FBRS: variants seen among roughly 807,000 people sequenced by gnomAD.
FBRS encodes probable fibrosin-1.
In FBRS, 15 loss-of-function variants were observed where a neutral mutation model predicts 86.1. The observed-to-expected ratio is 0.17, with a 90% CI of 0.12 to 0.27. The LOEUF is 0.27. Among genes scored for constraint, FBRS ranks in the 10% least tolerant of loss-of-function variants. The probability of loss-of-function intolerance (pLI) is 1.00; values close to 1 mark genes in which losing one functional copy is unlikely to be tolerated. For missense variants in FBRS, 1,367 were observed against 1,301.6 expected (o/e 1.05, Z -0.77); for synonymous variants, 666 against 575.8 (o/e 1.16, Z -2.24).
In FBRS at chr16:30,669,443, G is replaced by A. The variant is rs538826714; in HGVS notation, c.2741G>A (p.Arg914His). The change falls in exon 18 of 18, where the codon CGC becomes CAC. Residue 914 changes from arginine (R) to histidine (H), a missense_variant. Around this residue, in one of 3 missense-constraint regions of FBRS, gnomAD observed 659 missense variants for 678.8 expected, o/e 0.97. Transcript: ENST00000356166. This position sits in a 1 kb window ranked among gnomAD's most constrained non-coding sequence, Gnocchi z 5.9. ...LTGPGAVAAARLYGLEPAHPL... is the reference protein window; with the variant it reads ...LTGPGAVAAAHLYGLEPAHPL... The stretch of plus-strand genomic sequence containing the variant: ...GGACCCGGGGCCGTGGCCGCTGCCC[G>A]CCTCTACGGTCTGGAACCTGCTCAC... 3.8e-5 allele frequency: 61 copies of A among 1,612,996 alleles called. No homozygotes were observed. In the East Asian group the frequency reaches 1.0e-3, roughly 27 times the overall value.
chr16:30,669,516 C>T lies in FBRS; in HGVS notation c.2814C>T (p.Ala938=), dbSNP rs1273696334. The T allele has an allele frequency of 4.3e-6, 7 of 1,613,026 alleles. No homozygotes were observed. The highest frequency in any genetic ancestry group is 1.6e-4 in the Middle Eastern group (1 of 6,084). Residue 938 remains alanine, a synonymous_variant, in exon 18 of 18, where the codon GCC becomes GCT. Transcript: ENST00000356166. This position sits in a 1 kb window ranked among gnomAD's most constrained non-coding sequence, Gnocchi z 5.9. ...CTCCTCCACCACCACCTGCTGCGGC[C>T]CCGGGAACCCCTCACCTTCTCAGCA... ...RLAPPPPPAA[A]PGTPHLLSKT...
rs910448458 is a variant in FBRS at position 30,669,247 on chromosome 16, G to A, written c.2545G>A (p.Ala849Thr). The A allele has an allele frequency of 2.6e-6, 4 of 1,554,884 alleles. No individual in the cohort carries two copies. In the African/African-American group the frequency reaches 5.5e-5, roughly 21 times the overall value. The change falls in exon 18 of 18, where the codon GCC (alanine) becomes ACC (threonine). Residue 849 changes from alanine to threonine, a missense_variant. Physicochemically the swap from Ala to Thr is moderately conservative, Grantham distance 58 (BLOSUM62 0). This residue lies in a region of FBRS where 659 missense variants were observed against 678.8 expected (regional missense o/e 0.97). Transcript: ENST00000356166. This position sits in a 1 kb window ranked among gnomAD's most constrained non-coding sequence, Gnocchi z 5.9. Reference sequence around the variant, plus strand: ...CGCCGCCGCTGCCGCCGCCGCAGCAGCCACTGGGCCCCAGGGCCTTCACCT... The same window carrying A: ...CGCCGCCGCTGCCGCCGCCGCAGCAACCACTGGGCCCCAGGGCCTTCACCT... Reference protein sequence around the residue: ...AAAAAAAAAAATGPQGLHLLF... With the variant: ...AAAAAAAAAATTGPQGLHLLF...
chr16:30,661,492 G>GA (rs1555519183), intron 4 of FBRS, among the ~76,000 whole-genome samples, 159 bp downstream of exon 4: 1 of 152,206 alleles, frequency 6.6e-6, no homozygotes, highest in Non-Finnish European at 1.5e-5. Flanking sequence ...GGTGGATTGG[G>GA]AGGGTAAATG....
rs558124786 is a variant in FBRS at position 30,661,406 on chromosome 16, G to T, written c.705+73G>T. Reference sequence around the variant, plus strand: ...GGACTGCAGCATAAAGGTCTTCTGCGTGCAGCAGACAGCCTTCCCTTGAGT... The same window carrying T: ...GGACTGCAGCATAAAGGTCTTCTGCTTGCAGCAGACAGCCTTCCCTTGAGT... On this transcript the variant is annotated intron_variant, in intron 4 of 17. Transcript: ENST00000356166. 214 of 1,549,364 alleles carry T rather than the reference G, an allele frequency of 1.4e-4. No homozygotes were observed. The Middle Eastern group carries it at 1.7e-3, about 12-fold the overall frequency.
chr16:30,669,181 C>G lies in FBRS; in HGVS notation c.2479C>G (p.Arg827Gly). 1.9e-6 allele frequency: 3 copies of G among 1,551,586 alleles called. No individual in the cohort carries two copies. The highest frequency in any genetic ancestry group is 2.6e-6 in the Non-Finnish European group (3 of 1,147,934). Residue 827 changes from arginine (R) to glycine (G), a missense_variant, in exon 18 of 18, where the codon CGG becomes GGG. By Grantham distance (125) the Arg-to-Gly change is moderately radical. This residue lies in a region of FBRS where 659 missense variants were observed against 678.8 expected (regional missense o/e 0.97). Coordinates refer to ENST00000356166, the MANE Select transcript of FBRS (RefSeq NM_001105079.3). This position sits in a 1 kb window ranked among gnomAD's most constrained non-coding sequence, Gnocchi z 5.9. Reference sequence around the variant, plus strand: ...GGAATCTGTGCGGGTAAAGGAAGAGCGGAAGGAGGAGGCTGCCGCCGCCGC... The same window carrying G: ...GGAATCTGTGCGGGTAAAGGAAGAGGGGAAGGAGGAGGCTGCCGCCGCCGC... ...TKESVRVKEE[R>G]KEEAAAAAAA...
intron 11 of FBRS, chr16:30,666,210 C>T (rs969320522): frequency 5.3e-6 from 3 of 560,964 alleles, no homozygotes; most frequent in Non-Finnish European, 6.4e-6. Flanking sequence ...TTAAACAGAC[C>T]GCTATACTCT....
chr16:30,662,308 C>T, intron 4 of FBRS, 112 bp from the exon 5 acceptor site: 2 of 1,482,832 alleles, frequency 1.3e-6, no homozygotes, highest in Non-Finnish European at 1.8e-6. Flanking sequence ...ACTGAAGGAA[C>T]AGACTTGCCA....
rs995863390 is a variant in FBRS at position 30,662,250 on chromosome 16, C to A, written c.706-170C>A. 2.9e-6 allele frequency: 3 copies of A among 1,031,290 alleles called. No homozygotes were observed. In the Admixed American group the frequency reaches 8.3e-5, roughly 29 times the overall value. The allele number at this position is 1,031,290 out of a possible 1,614,324, so 63.9% of individuals were successfully genotyped here. On this transcript the variant is annotated intron_variant, in intron 4 of 17. Transcript: ENST00000356166. ...GGTCAGCTGCTCCACTCTGCTTTTT[C>A]TCCAAGCTCAGCCCCCTAGAGCCCA...
In FBRS at chr16:30,664,932, A is replaced by G. The variant is rs756002559; in HGVS notation, c.1563+12A>G. The G allele has an allele frequency of 3.1e-6, 5 of 1,609,898 alleles. No homozygotes were observed. Among genetic ancestry groups the G allele is most frequent in the Non-Finnish European group, 4.2e-6 (5 of 1,177,964 alleles). On this transcript the variant is annotated intron_variant, in intron 8 of 17. Coordinates refer to ENST00000356166, the MANE Select transcript of FBRS (RefSeq NM_001105079.3). ...ACGGCCCCCACATGGTGAGCTCCTC[A>G]TTGGGCTGGCGATGAGGCTCGGAGG...
chr16:30,668,665 T>TGGGGGGGGGGGGGGGGGGGGGGGGGGGG, intron 16 of FBRS, 22 bp downstream of exon 16: 2 of 1,456,686 alleles, frequency 1.4e-6, no homozygotes, highest in Non-Finnish European at 1.9e-6. Context: ...TGCGGTGGGG[T>TGGGGGGGGGGGGGGGGGGGGGGGGGGGG]GGGGGGGCTG....
chr16:30,660,238 C>G (rs1567543327), intron 1 of FBRS, 25 bp from the exon 2 acceptor site: 8 of 1,336,348 alleles, frequency 6.0e-6, no homozygotes, highest in Non-Finnish European at 7.7e-6. Flanking sequence ...TTCCATCTAT[C>G]TCAGCCCCAC....
At chr16:30,664,647 C>T in intron 7 of FBRS, 68 bp from the exon 8 acceptor site, 1 of 1,450,922 alleles carries the variant, frequency 6.9e-7, no homozygotes, top group East Asian at 2.5e-5. Context: ...AGAGGGAAGG[C>T]AGTCACCTGG....
intron 6 of FBRS, among the ~76,000 whole-genome samples, chr16:30,663,723 A>G (rs922819658): frequency 3.9e-5 from 6 of 152,084 alleles, no homozygotes; most frequent in African/African-American, 1.4e-4. Context: ...CTATTTTGTC[A>G]CCGTCATTGT....
In FBRS at chr16:30,665,312, A is replaced by T; in HGVS notation, c.1615A>T (p.Thr539Ser). The change falls in exon 10 of 18, where the codon ACG (threonine) becomes TCG (serine). Residue 539 changes from threonine (T) to serine (S), a missense_variant. Thr to Ser is a moderately conservative substitution (Grantham distance 58). Around this residue, in one of 3 missense-constraint regions of FBRS, gnomAD observed 659 missense variants for 678.8 expected, o/e 0.97. Transcript: ENST00000356166. This position sits in a 1 kb window ranked among gnomAD's most constrained non-coding sequence, Gnocchi z 4.1. Reference sequence around the variant, plus strand: ...GTCCCCCTTCTCTCCACAGCCGTACACGGCCTTCCCTCCCGCAGTGCCCGG... The same window carrying T: ...GTCCCCCTTCTCTCCACAGCCGTACTCGGCCTTCCCTCCCGCAGTGCCCGG... ...MEGLFRHNPY[T>S]AFPPAVPGLP... 3 of 1,561,568 alleles carry T rather than the reference A, an allele frequency of 1.9e-6. No homozygotes were observed. The highest frequency in any genetic ancestry group is 8.7e-7 in the Non-Finnish European group (1 of 1,153,598).
chr16:30,670,569 A>C lies in FBRS; in HGVS notation c.*924A>C, dbSNP rs2052584867. On this transcript the variant is annotated 3_prime_UTR_variant, in exon 18 of 18. Coordinates refer to ENST00000356166, the MANE Select transcript of FBRS (RefSeq NM_001105079.3). ...AGGCTAAGGGTGGCCAGAGAAGGTC[A>C]CCATGTACCACACACCAAAGAAGGG... is the stretch of plus-strand genomic sequence containing the variant. The C allele has an allele frequency of 9.3e-6, 2 of 216,030 alleles. No individual in the cohort carries two copies. The highest frequency in any genetic ancestry group is 1.9e-5 in the Non-Finnish European group (2 of 105,768). The allele number at this position is 216,030 out of a possible 1,614,324, so 13.4% of individuals were successfully genotyped here. A position where few individuals can be genotyped will look rare whatever the true frequency, so the allele number is the denominator to read the frequency against.
At position 30,660,280 on chromosome 16, in the gene FBRS, G is replaced by T; in HGVS notation, c.477G>T (p.Gln159His). The T allele has an allele frequency of 7.6e-7, 1 of 1,309,294 alleles. No homozygotes were observed. The highest frequency in any genetic ancestry group is 9.8e-7 in the Non-Finnish European group (1 of 1,021,376). 81.1% of individuals were successfully genotyped at this position (1,309,294 alleles called of 1,614,324 possible). Residue 159 changes from glutamine (Q) to histidine (H), a missense_variant, in exon 2 of 18, where the codon CAG (glutamine) becomes CAT (histidine). This residue lies in a region of FBRS where 702 missense variants were observed against 598.7 expected (regional missense o/e 1.17). Transcript: ENST00000356166. ...LEALQKDASL[Q>H]PPERLEHRLK... ...CTCCACAGAAGGATGCATCTCTTCAGCCCCCAGAGCGACTGGAACATCGGC... is the reference window on the plus strand; with the variant it reads ...CTCCACAGAAGGATGCATCTCTTCATCCCCCAGAGCGACTGGAACATCGGC...
Position 30,659,610 on chromosome 16 carries a change from G to A in FBRS, c.92G>A (p.Arg31Gln), listed in dbSNP as rs997906248. ...RRRCSRRDRD[R>Q]EQRRRRGPGG... is the part of the protein sequence containing the mutation. ...CGCTGCTCGCGCCGAGACCGAGACC[G>A]GGAGCAGCGGCGCCGCCGAGGTCCA... Residue 31 changes from arginine (R) to glutamine (Q), a missense_variant, in exon 1 of 18, where the codon CGG (arginine) becomes CAG (glutamine). This residue lies in a region of FBRS where 702 missense variants were observed against 598.7 expected (regional missense o/e 1.17). Transcript: ENST00000356166. The A allele has an allele frequency of 5.3e-6, 2 of 376,570 alleles. No individual in the cohort carries two copies. Among genetic ancestry groups the A allele is most frequent in the African/African-American group, 2.1e-5 (1 of 46,912 alleles). The allele number at this position is 376,570 out of a possible 1,614,324, so 23.3% of individuals were successfully genotyped here.
At position 30,667,392 on chromosome 16, in the gene FBRS, C is replaced by G; in HGVS notation, c.1948C>G (p.Pro650Ala). The G allele has an allele frequency of 1.3e-6, 2 of 1,552,116 alleles. No homozygotes were observed. Among genetic ancestry groups the G allele is most frequent in the South Asian group, 1.2e-5 (1 of 84,048 alleles). Residue 650 changes from proline to alanine, a missense_variant, in exon 14 of 18, where the codon CCT becomes GCT. Around this residue, in one of 3 missense-constraint regions of FBRS, gnomAD observed 659 missense variants for 678.8 expected, o/e 0.97. Transcript: ENST00000356166. ...TCCGGGGCCCTATGGGGCCCTGCCC[C>G]CTGGGCAGGAGCTCTCCCACCCGGC... is the stretch of plus-strand genomic sequence containing the variant. ...CLPGPYGALPPGQELSHPASL... is the reference protein window; with the variant it reads ...CLPGPYGALPAGQELSHPASL...
Position 30,668,576 on chromosome 16 carries a change from C to G in FBRS, c.2091C>G (p.Pro697=), listed in dbSNP as rs761398252. Residue 697 remains proline, a synonymous_variant, in exon 16 of 18, where the codon CCC becomes CCG. Coordinates refer to ENST00000356166, the MANE Select transcript of FBRS (RefSeq NM_001105079.3). ...CTCCCACAGATCCCTTTGGGCGTCC[C>G]ACAAGCTTCGCCTCTTTGGCTGCCC... The part of the protein sequence containing the change: ...PSTHIDPFGR[P]TSFASLAALS... 3.7e-6 allele frequency: 6 copies of G among 1,612,246 alleles called. No homozygotes were observed. Among genetic ancestry groups the G allele is most frequent in the Non-Finnish European group, 5.1e-6 (6 of 1,178,924 alleles).
Sources: gnomAD v4.1 joint callset for allele counts (sites outside exome capture counted in the v4.1 genomes callset) on GRCh38, gnomAD v4.1.1 for gene constraint, gnomAD v4.1.1 regional missense constraint, Gnocchi (gnomAD v3.1) non-coding constraint, MANE v1.5 for transcripts, NCBI Gene and HGNC (gene_info 2026-07-23, HGNC 2026-07-21) for gene names.